The following GOLGA8H variants were observed in gnomAD, a reference collection of about 807,000 sequenced individuals.
GOLGA8H encodes golgin A8 family member H, also known as golgin subfamily A member 8H.
In GOLGA8H, 47 loss-of-function variants were observed where a neutral mutation model predicts 82.7. That is an observed-to-expected ratio of 0.57 (90% CI 0.45 to 0.73). GOLGA8H has a LOEUF of 0.73. Ranked by LOEUF, GOLGA8H falls within the 30% of genes least tolerant of loss-of-function variation. GOLGA8H has a pLI of 0.00. For synonymous variants in GOLGA8H, 108 were observed against 241.6 expected, an observed-to-expected ratio of 0.45 and a Z score of 5.13; for missense variants, 372 against 661.0, an observed-to-expected ratio of 0.56 and a Z score of 4.79.
At chr15:30,604,253 G>A (rs1241051005) in intron 1 of GOLGA8H, 80 bp downstream of exon 1, 17 of 1,433,372 alleles carry the variant, frequency 1.2e-5, no homozygotes, top group East Asian at 7.4e-5. Flanking sequence ...GAGTCTATAC[G>A]ACTCCTGAGG....
At chr15:30,605,745 C>G (rs1230086716) in intron 1 of GOLGA8H, 98 bp from the exon 2 acceptor site, 2 of 1,541,294 alleles carry the variant, frequency 1.3e-6, no homozygotes, top group Admixed American at 3.8e-5. Context: ...GTCATTAAAT[C>G]AGATGGTGTG....
In GOLGA8H at chr15:30,605,967, G is replaced by C. The variant is rs781057786; in HGVS notation, c.168+5G>C. On this transcript the variant is annotated splice_donor_5th_base_variant and intron_variant, in intron 2 of 18. Transcript: ENST00000566740. ...GGTTGCCAGCCACCTGGGGATGTGA[G>C]TCTTGGCTGACCAGGCTTCTGGGGA... is the stretch of plus-strand genomic sequence containing the variant. 1.4e-5 allele frequency: 22 copies of C among 1,594,754 alleles called. No homozygotes were observed. The South Asian group carries it at 2.3e-4, about 17-fold the overall frequency.
intron 13 of GOLGA8H, 117 bp downstream of exon 13, chr15:30,611,463 A>G (rs1378186737): frequency 3.9e-6 from 6 of 1,536,886 alleles, no homozygotes; most frequent in Non-Finnish European, 4.4e-6. Context: ...TGGTGACCAC[A>G]GCACCCCGCA....
intron 2 of GOLGA8H, among the ~76,000 whole-genome samples, 158 bp downstream of exon 2, chr15:30,606,120 C>G (rs909172209): frequency 6.6e-6 from 1 of 151,590 alleles, no homozygotes; most frequent in Non-Finnish European, 1.5e-5. Flanking sequence ...TTTGGGAGGC[C>G]AAGGCAGGCG....
Position 30,608,451 on chromosome 15 carries a change from G to T in GOLGA8H, c.397-16G>T. 6.2e-7 allele frequency: 1 copy of T among 1,608,652 alleles called. No homozygotes were observed. Among genetic ancestry groups the T allele is most frequent in the African/African-American group, 1.3e-5 (1 of 74,302 alleles). On this transcript the variant is annotated splice_polypyrimidine_tract_variant and intron_variant, in intron 6 of 18. Coordinates refer to ENST00000566740, the MANE Select transcript of GOLGA8H (RefSeq NM_001282490.2). ...TTTCCTTCTCTTTCAGCACTTGCTT[G>T]GCTTTTCTCCCAAAGGTTCAAATCC...
chr15:30,605,663 T>C (rs1273736807), intron 1 of GOLGA8H, among the ~76,000 whole-genome samples, 180 bp from the exon 2 acceptor site: 35 of 151,416 alleles, frequency 2.3e-4, no homozygotes, highest in Non-Finnish European at 7.4e-5. Context: ...TTTTTCTTTT[T>C]TTTTTCTAGC....
rs909715666 is a variant in GOLGA8H at position 30,612,503 on chromosome 15, C to G, written c.1201-94C>G. 11 of 1,296,612 alleles carry G rather than the reference C, an allele frequency of 8.5e-6. No homozygotes were observed. The South Asian group carries it at 8.7e-5, about 10-fold the overall frequency. The allele number at this position is 1,296,612 out of a possible 1,614,324, so 80.3% of individuals were successfully genotyped here. A position where few individuals can be genotyped will look rare whatever the true frequency, so the allele number is the denominator to read the frequency against. On this transcript the variant is annotated intron_variant, in intron 13 of 18. Transcript: ENST00000566740. ...GGCTGAGATGGCCTGCCAAAAGTTG[C>G]AGGAGACCCAGGGGAGGGAGCTGCT...
Position 30,609,911 on chromosome 15 carries a change from G to C in GOLGA8H, c.678+19G>C. 3.2e-6 allele frequency: 5 copies of C among 1,575,844 alleles called. No individual in the cohort carries two copies. The highest frequency in any genetic ancestry group is 2.2e-5 in the East Asian group (1 of 44,524). The stretch of plus-strand genomic sequence containing the variant: ...GACACAGGTGAGGTTTTCTGAGGGA[G>C]TTATGTGGAAGGAAGATGACCCCAG... On this transcript the variant is annotated intron_variant, in intron 9 of 18. Transcript: ENST00000566740.
rs1222907078 is a variant in GOLGA8H at position 30,611,583 on chromosome 15, C to A, written c.1200+237C>A. ...TCATCCCAGCTAGAGGCATGGAGCC[C>A]CCAATCACAGGGGAAGAGACAGTGC... On this transcript the variant is annotated intron_variant, in intron 13 of 18. Coordinates refer to ENST00000566740, the MANE Select transcript of GOLGA8H (RefSeq NM_001282490.2). 2.0e-5 allele frequency among the ~76,000 whole-genome samples: 3 copies of A among 150,052 alleles called. No homozygotes were observed. In the South Asian group the frequency reaches 6.3e-4, roughly 32 times the overall value.
chr15:30,609,768 G>T lies in GOLGA8H; in HGVS notation c.592-38G>T, dbSNP rs1293011682. ...AGGGGCACTGTGTGGAAATGCCCAG[G>T]CTCTCCAGATTGAAACTTCTCACTC... On this transcript the variant is annotated intron_variant, in intron 8 of 18. Coordinates refer to ENST00000566740, the MANE Select transcript of GOLGA8H (RefSeq NM_001282490.2). 1.9e-6 allele frequency: 3 copies of T among 1,547,968 alleles called. 1 individual carries two copies. The Admixed American group carries it at 5.3e-5, about 28-fold the overall frequency.
Position 30,604,118 on chromosome 15 carries a change from A to G in GOLGA8H, c.-8A>G, listed in dbSNP as rs2140803103. 1 of 1,523,544 alleles carries G rather than the reference A, an allele frequency of 6.6e-7. No individual in the cohort carries two copies. The highest frequency in any genetic ancestry group is 1.2e-5 in the South Asian group (1 of 83,866). 94.4% of individuals were successfully genotyped at this position (1,523,544 alleles called of 1,614,324 possible). ...TGACCCCAACCCTGCCTCCCTCCCC[A>G]CCCTGCGATGGCAGAAGAAACTCAA... On this transcript the variant is annotated 5_prime_UTR_variant, in exon 1 of 19. Coordinates refer to ENST00000566740, the MANE Select transcript of GOLGA8H (RefSeq NM_001282490.2).
At position 30,615,436 on chromosome 15, in the gene GOLGA8H, T is replaced by C. The variant is rs1254789863; in HGVS notation, c.*875T>C. ...ATTGACTGTGGATGTGGAAATCCTT[T>C]CCTAGCTTAGAGCATTTGTATCTAC... On this transcript the variant is annotated 3_prime_UTR_variant, in exon 19 of 19. Transcript: ENST00000566740. Among the ~76,000 whole-genome samples, 1 of 151,908 alleles carries C rather than the reference T, an allele frequency of 6.6e-6. No homozygotes were observed. The highest frequency in any genetic ancestry group is 1.5e-5 in the Non-Finnish European group (1 of 67,972).
rs757211952 is a variant in GOLGA8H, at chr15:30,609,904, T to C, written c.678+12T>C. On this transcript the variant is annotated intron_variant, in intron 9 of 18. Coordinates refer to ENST00000566740, the MANE Select transcript of GOLGA8H (RefSeq NM_001282490.2). Reference sequence around the variant, plus strand: ...TGCAGCTGACACAGGTGAGGTTTTCTGAGGGAGTTATGTGGAAGGAAGATG... The same window carrying C: ...TGCAGCTGACACAGGTGAGGTTTTCCGAGGGAGTTATGTGGAAGGAAGATG... 13 of 1,579,006 alleles carry C rather than the reference T, an allele frequency of 8.2e-6. No individual in the cohort carries two copies. The African/African-American group carries it at 9.5e-5, about 12-fold the overall frequency.
chr15:30,617,447 T>A lies in GOLGA8H; in HGVS notation c.*2886T>A, dbSNP rs2060116345. On this transcript the variant is annotated 3_prime_UTR_variant, in exon 19 of 19. Transcript: ENST00000566740. ...AAAACTTTATTTTAAAGAGTCATTT[T>A]AAAATAATATAACTATTAAAAAATG... is the stretch of plus-strand genomic sequence containing the variant. The A allele has an allele frequency of 6.6e-6, 1 of 150,754 alleles. No individual in the cohort carries two copies. Among genetic ancestry groups the A allele is most frequent in the African/African-American group, 2.4e-5 (1 of 40,870 alleles). The allele number at this position is 150,754 out of a possible 1,614,324, so 9.3% of individuals were successfully genotyped here. A position where few individuals can be genotyped will look rare whatever the true frequency, so the allele number is the denominator to read the frequency against.
chr15:30,606,171 G>A (rs2059921281), intron 2 of GOLGA8H, among the ~76,000 whole-genome samples: 1 of 151,506 alleles, frequency 6.6e-6, no homozygotes, highest in Non-Finnish European at 1.5e-5. Flanking sequence ...TGGTTAACAC[G>A]GTGAAACCCT....
intron 13 of GOLGA8H, 121 bp downstream of exon 13, chr15:30,611,467 C>T: frequency 4.6e-6 from 7 of 1,537,524 alleles, no homozygotes; most frequent in Admixed American, 1.9e-5. Context: ...GACCACAGCA[C>T]CCCGCAGGGC....
In GOLGA8H at chr15:30,610,282, TC is replaced by T; in HGVS notation, c.787-16del. 2 of 945,634 alleles carry T rather than the reference TC, an allele frequency of 2.1e-6. No homozygotes were observed. The highest frequency in any genetic ancestry group is 3.3e-6 in the Non-Finnish European group (2 of 609,068). The allele number at this position is 945,634 out of a possible 1,614,324, so 58.6% of individuals were successfully genotyped here. A position where few individuals can be genotyped will look rare whatever the true frequency, so the allele number is the denominator to read the frequency against. On this transcript the variant is annotated intron_variant, in intron 10 of 18. Transcript: ENST00000566740. ...TCCAGCCCCTCTCTCCAAGGCCCTTTCCCCTTGTGCTTTGGGCAGATTTGCA... is the reference window on the plus strand; with the variant it reads ...TCCAGCCCCTCTCTCCAAGGCCCTTTCCCTTGTGCTTTGGGCAGATTTGCA...
chr15:30,611,655 C>G (rs1184238824), intron 13 of GOLGA8H, among the ~76,000 whole-genome samples: 1 of 140,702 alleles, frequency 7.1e-6, no homozygotes, highest in Non-Finnish European at 1.5e-5. Flanking sequence ...GCCTATAATC[C>G]CAGCACTTTG....
Sources: allele counts gnomAD v4.1 joint callset (sites outside exome capture counted in the v4.1 genomes callset), GRCh38; gene constraint gnomAD v4.1.1; transcripts MANE v1.5; gene names NCBI Gene and HGNC (gene_info 2026-07-23, HGNC 2026-07-21).